The following GCAT variants were observed in gnomAD, a reference collection of about 807,000 sequenced individuals.
GCAT encodes 2-amino-3-ketobutyrate coenzyme A ligase, mitochondrial.
In GCAT, 26 loss-of-function variants were observed where a neutral mutation model predicts 39.7. The ratio of observed to expected loss-of-function variants is 0.65; its 90% CI spans 0.48 to 0.91. The LOEUF (loss-of-function observed/expected upper bound fraction) is 0.91, where lower values mean the gene tolerates loss of function less well. GCAT is among the 40% of genes least tolerant of loss of function. The pLI is 0.00. For synonymous variants in GCAT, 218 were observed against 237.2 expected (o/e 0.92, Z 0.74); for missense variants, 550 against 576.2 (o/e 0.95, Z 0.47).
intron 3 of GCAT, chr22:37,813,224 G>T: frequency 1.5e-6 from 1 of 660,018 alleles, no homozygotes; most frequent in Non-Finnish European, 2.8e-6. Flanking sequence ...TGGAAGGCTG[G>T]GGGAGGCGGG....
At position 37,813,577 on chromosome 22, in the gene GCAT, G is replaced by A; in HGVS notation, c.544G>A (p.Ala182Thr). The A allele has an allele frequency of 6.2e-7, 1 of 1,612,500 alleles. No homozygotes were observed. Among genetic ancestry groups the A allele is most frequent in the Non-Finnish European group, 8.5e-7 (1 of 1,179,594 alleles). The change falls in exon 4 of 9, where the codon GCC (alanine) becomes ACC (threonine). Residue 182 changes from alanine to threonine, a missense_variant. Ala to Thr is a moderately conservative substitution (Grantham distance 58, BLOSUM62 0). This residue lies in a region of GCAT where 378 missense variants were observed against 390.4 expected (regional missense o/e 0.97). Coordinates refer to ENST00000248924, the MANE Select transcript of GCAT (RefSeq NM_014291.4). ...HKYRYRHLDM[A>T]DLEAKLQEAQ... ...GTACCGCTATCGCCACCTGGACATG[G>A]CCGACCTAGAAGCCAAGCTGCAGGA...
chr22:37,809,813 C>T (rs111328189), intron 1 of GCAT: 17 of 631,008 alleles, frequency 2.7e-5, no homozygotes, highest in Non-Finnish European at 4.2e-5. Context: ...GAGCTAGACC[C>T]TGTCTCAAAA....
chr22:37,815,894 G>A, intron 7 of GCAT, 60 bp downstream of exon 7: 2 of 1,588,992 alleles, frequency 1.3e-6, no homozygotes, highest in Admixed American at 3.4e-5. Context: ...CCAGCCTCAT[G>A]TGTCTGCCCA....
At chr22:37,816,357 C>T in intron 8 of GCAT, 36 bp downstream of exon 8, 1 of 1,602,492 alleles carries the variant, frequency 6.2e-7, no homozygotes, top group South Asian at 1.1e-5. Flanking sequence ...GGTGGTGGGT[C>T]CTGAGAGAAG....
In GCAT at chr22:37,808,119, C is replaced by G. The variant is rs1341657785; in HGVS notation, c.152C>G (p.Thr51Arg). The G allele has an allele frequency of 5.1e-6, 8 of 1,555,480 alleles. No homozygotes were observed. The East Asian group carries it at 2.1e-4, about 40-fold the overall frequency. Residue 51 changes from threonine to arginine, a missense_variant, in exon 1 of 9, where the codon ACG (threonine) becomes AGG (arginine). Around this residue, in one of 3 missense-constraint regions of GCAT, gnomAD observed 154 missense variants for 141.9 expected, o/e 1.08. Coordinates refer to ENST00000248924, the MANE Select transcript of GCAT (RefSeq NM_014291.4). ...AGTWKSERVI[T>R]SRQGPHIRVD... Reference sequence around the variant, plus strand: ...ACTTGGAAGAGTGAGCGGGTCATCACGTCCCGTCAGGGGCCGCACATCCGC... The same window carrying G: ...ACTTGGAAGAGTGAGCGGGTCATCAGGTCCCGTCAGGGGCCGCACATCCGC...
chr22:37,815,050 G>A (rs1211531458), intron 4 of GCAT, 76 bp from the exon 5 acceptor site: 2 of 1,476,928 alleles, frequency 1.4e-6, no homozygotes, highest in Non-Finnish European at 9.3e-7. Context: ...AGCTCTCAGA[G>A]CTCCAAGCAG....
intron 4 of GCAT, 47 bp downstream of exon 4, chr22:37,813,656 A>C: frequency 6.5e-7 from 1 of 1,535,910 alleles, no homozygotes; most frequent in South Asian, 1.3e-5. Flanking sequence ...TGGGGAAGGA[A>C]GTGAGGCTTA....
At chr22:37,808,902 G>T (rs1313787132) in intron 1 of GCAT, among the ~76,000 whole-genome samples, 2 of 152,160 alleles carry the variant, frequency 1.3e-5, no homozygotes, top group Admixed American at 1.3e-4. Flanking sequence ...GGCCAGGCTG[G>T]TCTCGAACTC....
At chr22:37,813,636 A>G in intron 4 of GCAT, 27 bp downstream of exon 4, 2 of 1,571,734 alleles carry the variant, frequency 1.3e-6, no homozygotes, top group Non-Finnish European at 8.6e-7. Context: ...GTCCACCCTC[A>G]GCCTCCGCCT....
Position 37,816,852 on chromosome 22 carries a change from T to G in GCAT, c.*134T>G. 1.3e-6 allele frequency: 1 copy of G among 759,734 alleles called. No individual in the cohort carries two copies. The highest frequency in any genetic ancestry group is 2.7e-5 in the Admixed American group (1 of 37,090). The allele number at this position is 759,734 out of a possible 1,614,324, so 47.1% of individuals were successfully genotyped here. Reference sequence around the variant, plus strand: ...AGCTGGGCTGGGACGTGACCTGTGCTGAGGGCTGTGAGAATGTGAAACAAC... The same window carrying G: ...AGCTGGGCTGGGACGTGACCTGTGCGGAGGGCTGTGAGAATGTGAAACAAC... On this transcript the variant is annotated 3_prime_UTR_variant, in exon 9 of 9. Transcript: ENST00000248924.
chr22:37,808,266 G>C, intron 1 of GCAT, 103 bp downstream of exon 1: 1 of 888,372 alleles, frequency 1.1e-6, no homozygotes, highest in Non-Finnish European at 1.6e-6. Flanking sequence ...CTTAGCTACT[G>C]TTCCCCTTCG....
intron 2 of GCAT, 32 bp downstream of exon 2, chr22:37,810,189 C>T (rs763769578): frequency 6.9e-7 from 1 of 1,458,574 alleles, no homozygotes; most frequent in South Asian, 1.1e-5. Flanking sequence ...GTTGTGGGGA[C>T]TGACCCCAGC....
At chr22:37,814,984 C>T (rs1921993664) in intron 4 of GCAT, 142 bp from the exon 5 acceptor site, 2 of 701,980 alleles carry the variant, frequency 2.8e-6, no homozygotes, top group African/African-American at 1.8e-5. Context: ...GATGTTCCAG[C>T]CCCCAAGATG....
intron 3 of GCAT, 99 bp downstream of exon 3, chr22:37,813,087 C>T: frequency 1.1e-6 from 1 of 877,282 alleles, no homozygotes; most frequent in Non-Finnish European, 1.9e-6. Context: ...GGATTCAGTG[C>T]CATGCCTAGA....
chr22:37,811,480 CAAAAAAA>C (rs59876225), intron 2 of GCAT, among the ~76,000 whole-genome samples: 1 of 46,864 alleles, frequency 2.1e-5, no homozygotes, highest in East Asian at 6.1e-4. Context: ...GACTCTGTCT[CAAAAAAA>C]AAAAAAAAAA....
Position 37,815,700 on chromosome 22 carries a change from G to T in GCAT, c.852G>T (p.Leu284=). 1 of 1,613,458 alleles carries T rather than the reference G, an allele frequency of 6.2e-7. No individual in the cohort carries two copies. Among genetic ancestry groups the T allele is most frequent in the Non-Finnish European group, 8.5e-7 (1 of 1,179,854 alleles). The change falls in exon 7 of 9, where the codon CTG becomes CTT. Residue 284 remains leucine, a synonymous_variant. Coordinates refer to ENST00000248924, the MANE Select transcript of GCAT (RefSeq NM_014291.4). ...CAGGGCCTGGGCCCCTGGTGTCCCT[G>T]CTGCGGCAGCGCGCCCGGCCATACC... ...YTTGPGPLVS[L]LRQRARPYLF...
In GCAT at chr22:37,815,115, C is replaced by CT; in HGVS notation, c.577-8dup. 6.2e-7 allele frequency: 1 copy of CT among 1,613,254 alleles called. No homozygotes were observed. Reference sequence around the variant, plus strand: ...GACACCACCCACCATCTGCTCATGTCTTTCCTGCAGAAGCATCGGCTGCGC... The same window carrying CT: ...GACACCACCCACCATCTGCTCATGTCTTTTCCTGCAGAAGCATCGGCTGCGC... On this transcript the variant is annotated splice_polypyrimidine_tract_variant and intron_variant, in intron 4 of 8. Coordinates refer to ENST00000248924, the MANE Select transcript of GCAT (RefSeq NM_014291.4).
chr22:37,812,832 A>T lies in GCAT; in HGVS notation c.328-55A>T. 16 of 1,236,942 alleles carry T rather than the reference A, an allele frequency of 1.3e-5. No homozygotes were observed. In the South Asian group the frequency reaches 1.9e-4, roughly 15 times the overall value. The allele number at this position is 1,236,942 out of a possible 1,614,324, so 76.6% of individuals were successfully genotyped here. On this transcript the variant is annotated intron_variant, in intron 2 of 8. Coordinates refer to ENST00000248924, the MANE Select transcript of GCAT (RefSeq NM_014291.4). ...GTCCTCCAAGCCTCTGTCCCCTCGA[A>T]CTTGTCCCACATGACCCCACAGGCA...
In GCAT at chr22:37,811,003, G is replaced by A. The variant is rs900644887; in HGVS notation, c.327+846G>A. On this transcript the variant is annotated intron_variant, in intron 2 of 8. Transcript: ENST00000248924. ...CTTCTATAAGAAAAGAGGAGTAGGC[G>A]GCAGGAACTGAGACTAAGGGCTCTG... Among the ~76,000 whole-genome samples, 12 of 152,228 alleles carry A rather than the reference G, an allele frequency of 7.9e-5. No homozygotes were observed. The East Asian group carries it at 1.3e-3, about 17-fold the overall frequency.
Sources: allele counts gnomAD v4.1 joint callset (sites outside exome capture counted in the v4.1 genomes callset), GRCh38; gene constraint gnomAD v4.1.1; regional missense constraint gnomAD v4.1.1; transcripts MANE v1.5; gene names NCBI Gene and HGNC (gene_info 2026-07-23, HGNC 2026-07-21).